SEMA3E: variants seen among roughly 807,000 people sequenced by gnomAD.
The protein encoded by SEMA3E is semaphorin 3E, also known as semaphorin-3E.
SEMA3E carries 49 observed loss-of-function variants against 93.6 expected under a neutral mutation model. The observed-to-expected ratio is 0.52, with a 90% CI of 0.42 to 0.66. SEMA3E has a LOEUF of 0.66. SEMA3E is among the 30% of genes least tolerant of loss of function. SEMA3E has a pLI of 0.00. For synonymous variants in SEMA3E, 363 were observed against 330.7 expected, an observed-to-expected ratio of 1.10 and a Z score of -1.06; for missense variants, 906 against 964.8, an observed-to-expected ratio of 0.94 and a Z score of 0.81.
intron 4 of SEMA3E, among the ~76,000 whole-genome samples, chr7:83,448,619 A>G (rs1386925748): frequency 6.6e-6 from 1 of 152,238 alleles, no homozygotes; most frequent in Admixed American, 6.5e-5. Context: ...TTAGAGTTAC[A>G]TAATTTTAAT....
At chr7:83,382,031 A>G (rs1375511084) in intron 16 of SEMA3E, among the ~76,000 whole-genome samples, 2 of 152,012 alleles carry the variant, frequency 1.3e-5, no homozygotes, top group African/African-American at 2.4e-5. Flanking sequence ...AAAAATCTAT[A>G]TAAGGATCAA....
intron 16 of SEMA3E, among the ~76,000 whole-genome samples, chr7:83,378,868 C>A (rs2116907206): frequency 6.6e-6 from 1 of 151,834 alleles, no homozygotes; most frequent in African/African-American, 2.4e-5. Flanking sequence ...AATAGGATTA[C>A]CATTCAATCT....
chr7:83,418,449 T>G lies in SEMA3E; in HGVS notation c.491A>C (p.Glu164Ala), dbSNP rs1408549096. The G allele has an allele frequency of 6.2e-7, 1 of 1,611,738 alleles. No homozygotes were observed. The highest frequency in any genetic ancestry group is 1.3e-5 in the African/African-American group (1 of 74,870). ...AAAAGGACATCTGCCCCTTCCTCTC[T>G]CAGATCTGGGTGATTCCAGGTGAAA... Reference protein sequence around the residue: ...PLFHLESPRSERGRGRCPFDP... With the variant: ...PLFHLESPRSARGRGRCPFDP... Residue 164 changes from glutamate to alanine, a missense_variant, in exon 5 of 17, where the codon GAG (glutamate) becomes GCG (alanine). By Grantham distance (107) the Glu-to-Ala change is moderately radical. Coordinates refer to ENST00000643230, the MANE Select transcript of SEMA3E (RefSeq NM_012431.3).
intron 2 of SEMA3E, among the ~76,000 whole-genome samples, chr7:83,470,254 A>G (rs1053384965): frequency 1.3e-5 from 2 of 152,132 alleles, no homozygotes; most frequent in African/African-American, 4.8e-5. Context: ...CTTTCCTGAG[A>G]CCACAAGCAG....
Position 83,387,042 on chromosome 7 carries a change from C to T in SEMA3E, c.1676G>A (p.Arg559Gln), listed in dbSNP as rs778655538. 4.3e-6 allele frequency: 7 copies of T among 1,612,954 alleles called. No homozygotes were observed. The highest frequency in any genetic ancestry group is 1.1e-5 in the South Asian group (1 of 91,040). The change falls in exon 15 of 17, where the codon CGG (arginine) becomes CAG (glutamine). Residue 559 changes from arginine (R) to glutamine (Q), a missense_variant. By Grantham distance (43) the Arg-to-Gln change is conservative. Coordinates refer to ENST00000643230, the MANE Select transcript of SEMA3E (RefSeq NM_012431.3). ...ATTTCCATGTCGAACATCTTGTCTC[C>T]GGAAACGCCTGAAAGAAAGTAAATG... ...PTGTHAKRRF[R>Q]RQDVRHGNAA... is the part of the protein sequence containing the mutation.
chr7:83,482,198 G>A (rs934476273), intron 2 of SEMA3E, among the ~76,000 whole-genome samples: 1 of 152,108 alleles, frequency 6.6e-6, no homozygotes, highest in Non-Finnish European at 1.5e-5. Flanking sequence ...AGGGTAAGAA[G>A]AAGGGAGACA....
chr7:83,589,484 A>G (rs1039904006), intron 1 of SEMA3E, among the ~76,000 whole-genome samples: 8 of 152,278 alleles, frequency 5.3e-5, no homozygotes, highest in Middle Eastern at 3.4e-3. Context: ...GGAGACTGCA[A>G]TCTAACCTTC....
intron 1 of SEMA3E, among the ~76,000 whole-genome samples, chr7:83,571,120 T>A (rs215280): frequency 0.12 from 18,746 of 150,854 alleles, 1,347 homozygotes; most frequent in East Asian, 0.19. Flanking sequence ...CCTGGTCAGA[T>A]GGATTTGCAG....
chr7:83,414,211 CTTACCA>C (rs146813254), intron 5 of SEMA3E, among the ~76,000 whole-genome samples: 80,743 of 151,522 alleles, frequency 0.53, 23,258 homozygotes, highest in East Asian at 0.84. Flanking sequence ...GTTTGTAGAA[CTTACCA>C]TTATAAAGAC....
chr7:83,614,056 A>G (rs575361012), intron 1 of SEMA3E, among the ~76,000 whole-genome samples: 1 of 152,242 alleles, frequency 6.6e-6, no homozygotes, highest in South Asian at 2.1e-4. Context: ...TCTACCCTTC[A>G]GTCTTTCTTG....
At chr7:83,466,651 T>C (rs377237712) in intron 3 of SEMA3E, 50 bp from the exon 4 acceptor site, 1 of 1,603,906 alleles carries the variant, frequency 6.2e-7, no homozygotes, top group South Asian at 1.1e-5. Context: ...TAAACATGTT[T>C]CGTCCTTTTT....
At chr7:83,576,722 T>C (rs1792408318) in intron 1 of SEMA3E, among the ~76,000 whole-genome samples, 1 of 152,108 alleles carries the variant, frequency 6.6e-6, no homozygotes, top group African/African-American at 2.4e-5. Context: ...ACCTCCTGGA[T>C]TCAAGCGATT....
At chr7:83,397,922 C>T (rs867361776) in intron 11 of SEMA3E, among the ~76,000 whole-genome samples, 34 of 152,200 alleles carry the variant, frequency 2.2e-4, no homozygotes, top group African/African-American at 7.5e-4. Context: ...ACAAAGCACA[C>T]ATATTAAATA....
In SEMA3E at chr7:83,363,425, TATGGCACAC is replaced by T. The variant is rs1794614544; in HGVS notation, c.*4152_*4160del. 1 of 152,116 alleles carries T rather than the reference TATGGCACAC, an allele frequency of 6.6e-6. No homozygotes were observed. The highest frequency in any genetic ancestry group is 1.9e-4 in the East Asian group (1 of 5,180). The allele number at this position is 152,116 out of a possible 1,614,324, so 9.4% of individuals were successfully genotyped here. On this transcript the variant is annotated 3_prime_UTR_variant, in exon 17 of 17. Coordinates refer to ENST00000643230, the MANE Select transcript of SEMA3E (RefSeq NM_012431.3). ...GCTTAGAATCAGTGAAAAGAAAGAA[TATGGCACAC>T]ACTGTTATGAACCCAGCCAAGCAAA... is the stretch of plus-strand genomic sequence containing the variant.
Position 83,406,054 on chromosome 7 carries a change from A to G in SEMA3E, c.819T>C (p.Asp273=). The G allele has an allele frequency of 6.2e-7, 1 of 1,610,606 alleles. No homozygotes were observed. The highest frequency in any genetic ancestry group is 8.5e-7 in the Non-Finnish European group (1 of 1,177,062). ...TCACCAGTATTCTCTGCCCTCCTACATCATTCTGTGAAAACCAAAAAGGAG... is the reference window on the plus strand; with the variant it reads ...TCACCAGTATTCTCTGCCCTCCTACGTCATTCTGTGAAAACCAAAAAGGAG... ...YTRVGRLCVN[D]VGGQRILVNK... is the part of the protein sequence containing the mutation. Residue 273 remains aspartate, a synonymous_variant, in exon 8 of 17, where the codon GAT becomes GAC. Coordinates refer to ENST00000643230, the MANE Select transcript of SEMA3E (RefSeq NM_012431.3).
intron 16 of SEMA3E, among the ~76,000 whole-genome samples, 165 bp from the exon 17 acceptor site, chr7:83,368,203 CTCTCTCTGTG>C (rs1218838984): frequency 1.3e-3 from 93 of 73,444 alleles, no homozygotes; most frequent in African/African-American, 2.7e-3. Context: ...ATCTCTCTCT[CTCTCTCTGTG>C]TGTGTGTGTG....
intron 4 of SEMA3E, among the ~76,000 whole-genome samples, chr7:83,451,853 A>G (rs1050160920): frequency 6.6e-5 from 10 of 152,202 alleles, no homozygotes; most frequent in Non-Finnish European, 1.3e-4. Context: ...TGTGAGCTGA[A>G]TTGGGCGTAT....
chr7:83,374,417 A>T (rs1331900181), intron 16 of SEMA3E, among the ~76,000 whole-genome samples: 3 of 152,064 alleles, frequency 2.0e-5, no homozygotes, highest in Admixed American at 1.3e-4. Context: ...TACATAAATG[A>T]AGGATGCTGA....
At chr7:83,510,586 A>C (rs1790798182) in intron 1 of SEMA3E, among the ~76,000 whole-genome samples, 1 of 152,210 alleles carries the variant, frequency 6.6e-6, no homozygotes, top group Admixed American at 6.5e-5. Context: ...GGTTATCAAT[A>C]CTTTCCTCTT....
Sources: allele counts gnomAD v4.1 joint callset (sites outside exome capture counted in the v4.1 genomes callset), GRCh38; gene constraint gnomAD v4.1.1; transcripts MANE v1.5; gene names NCBI Gene and HGNC (gene_info 2026-07-23, HGNC 2026-07-21).